The following SF3A1 variants were observed in gnomAD, a reference collection of about 807,000 sequenced individuals.
The protein encoded by SF3A1 is SAP 114.
Under a neutral mutation model 89.9 loss-of-function variants are expected in SF3A1, and 13 were observed. The ratio of observed to expected loss-of-function variants is 0.14; its 90% CI spans 0.09 to 0.23. The LOEUF is 0.23. SF3A1 is among the 10% of genes least tolerant of loss of function. SF3A1 has a pLI of 1.00. For synonymous variants in SF3A1, 405 were observed against 374.4 expected, an observed-to-expected ratio of 1.08 and a Z score of -0.94; for missense variants, 604 against 1,022.1, an observed-to-expected ratio of 0.59 and a Z score of 5.58.
Position 30,338,873 on chromosome 22 carries a change from G to C in SF3A1, c.1659C>G (p.Ile553Met). Residue 553 changes from isoleucine (I) to methionine (M), a missense_variant, in exon 11 of 16, where the codon ATC becomes ATG. Transcript: ENST00000215793. ...AAGATGGTGGCGGTGGCTGTTGAGGGATTTCATTGGGCTTGCTGGGGCCAA... is the reference window on the plus strand; with the variant it reads ...AAGATGGTGGCGGTGGCTGTTGAGGCATTTCATTGGGCTTGCTGGGGCCAA... Reference protein sequence around the residue: ...EKIGPSKPNEIPQQPPPPSSA... With the variant: ...EKIGPSKPNEMPQQPPPPSSA... 6.2e-7 allele frequency: 1 copy of C among 1,614,216 alleles called. No individual in the cohort carries two copies. The highest frequency in any genetic ancestry group is 1.1e-5 in the South Asian group (1 of 91,090).
intron 12 of SF3A1, 108 bp from the exon 13 acceptor site, chr22:30,337,288 G>T: frequency 9.1e-7 from 1 of 1,102,062 alleles, no homozygotes; most frequent in Non-Finnish European, 1.3e-6. Context: ...CTAGTCAGAG[G>T]TGTCAAGTGC....
At chr22:30,350,957 A>G (rs575317993) in intron 2 of SF3A1, among the ~76,000 whole-genome samples, 1 of 152,386 alleles carries the variant, frequency 6.6e-6, no homozygotes, top group Non-Finnish European at 1.5e-5. Context: ...AAGGTAATCA[A>G]AGCCCTTGAA....
intron 9 of SF3A1, 57 bp downstream of exon 9, chr22:30,340,139 A>G: frequency 1.4e-6 from 2 of 1,380,346 alleles, no homozygotes; most frequent in Non-Finnish European, 9.5e-7. Context: ...GTTTGCTTAG[A>G]AGAAGATGGC....
At chr22:30,353,240 T>C (rs1011419816) in intron 1 of SF3A1, among the ~76,000 whole-genome samples, 168 bp from the exon 2 acceptor site, 1 of 152,224 alleles carries the variant, frequency 6.6e-6, no homozygotes, top group Non-Finnish European at 1.5e-5. Flanking sequence ...TCACTGCACC[T>C]GCAGGGGCTG....
At chr22:30,351,666 A>T (rs1396837125) in intron 2 of SF3A1, among the ~76,000 whole-genome samples, 1 of 152,048 alleles carries the variant, frequency 6.6e-6, no homozygotes, top group Non-Finnish European at 1.5e-5. Flanking sequence ...ACAGCCAGAT[A>T]ACTTTTTATT....
Position 30,334,691 on chromosome 22 carries a change from A to G in SF3A1, c.2285T>C (p.Ile762Thr). 1 of 1,598,572 alleles carries G rather than the reference A, an allele frequency of 6.3e-7. No individual in the cohort carries two copies. ...AGKQKLQYEG[I>T]FIKDSNSLAY... is the part of the protein sequence containing the mutation. ...CAGTGAGTTGGAATCTTTGATGAAG[A>G]TACCCTGGAAAACAGACAGCGTGCC... Residue 762 changes from isoleucine (I) to threonine (T), a missense_variant, in exon 16 of 16, where the codon ATC becomes ACC. Around this residue, in one of 9 missense-constraint regions of SF3A1, gnomAD observed 74 missense variants for 141.3 expected, o/e 0.52. Coordinates refer to ENST00000215793, the MANE Select transcript of SF3A1 (RefSeq NM_005877.6).
chr22:30,342,072 G>T, intron 6 of SF3A1, 128 bp downstream of exon 6: 3 of 1,247,926 alleles, frequency 2.4e-6, no homozygotes, highest in Non-Finnish European at 3.5e-6. Flanking sequence ...TCTTTTGGGA[G>T]CAGGGAGGAG....
intron 2 of SF3A1, among the ~76,000 whole-genome samples, chr22:30,347,885 A>G (rs1185978339): frequency 6.6e-6 from 1 of 152,270 alleles, no homozygotes; most frequent in African/African-American, 2.4e-5. Context: ...TCTGTCACCC[A>G]GGCTGGAGTG....
intron 5 of SF3A1, 128 bp from the exon 6 acceptor site, chr22:30,342,478 T>C: frequency 9.2e-7 from 1 of 1,088,916 alleles, no homozygotes; most frequent in Admixed American, 2.7e-5. Context: ...GGTTCCAAAC[T>C]ATGGCATTTG....
intron 2 of SF3A1, 105 bp from the exon 3 acceptor site, chr22:30,346,624 A>C: frequency 7.7e-7 from 1 of 1,297,826 alleles, no homozygotes; most frequent in South Asian, 1.3e-5. Flanking sequence ...CCACTGCTCA[A>C]ACCAGCCCAT....
intron 1 of SF3A1, among the ~76,000 whole-genome samples, chr22:30,354,138 T>A (rs1254794405): frequency 2.6e-5 from 4 of 152,186 alleles, no homozygotes; most frequent in Admixed American, 6.5e-5. Flanking sequence ...ACCAGCAGCT[T>A]CTTCCCCTTA....
chr22:30,351,740 T>A (rs1931601254), intron 2 of SF3A1, among the ~76,000 whole-genome samples: 1 of 152,196 alleles, frequency 6.6e-6, no homozygotes, highest in Non-Finnish European at 1.5e-5. Flanking sequence ...TCAAGTGATC[T>A]TCCCACCTTG....
intron 2 of SF3A1, among the ~76,000 whole-genome samples, chr22:30,352,139 G>C (rs749885794): frequency 6.8e-6 from 1 of 146,778 alleles, no homozygotes; most frequent in Non-Finnish European, 1.5e-5. Flanking sequence ...TGGAACTGTA[G>C]GAAGAGAGAG....
chr22:30,345,330 T>C, intron 3 of SF3A1, 140 bp from the exon 4 acceptor site: 1 of 747,448 alleles, frequency 1.3e-6, no homozygotes, highest in Non-Finnish European at 2.2e-6. Context: ...CACACACCAC[T>C]AGCACTTGGT....
At position 30,356,725 on chromosome 22, in the gene SF3A1, G is replaced by A. The variant is rs370765021; in HGVS notation, c.63+5C>T. Reference sequence around the variant, plus strand: ...GCTGCAGGCTGAGGGGCGGGGGAGAGGTACCTGTTTGGGCTCCGTGGGCAC... The same window carrying A: ...GCTGCAGGCTGAGGGGCGGGGGAGAAGTACCTGTTTGGGCTCCGTGGGCAC... On this transcript the variant is annotated splice_donor_5th_base_variant and intron_variant, in intron 1 of 15. Coordinates refer to ENST00000215793, the MANE Select transcript of SF3A1 (RefSeq NM_005877.6). 7 of 1,491,334 alleles carry A rather than the reference G, an allele frequency of 4.7e-6. No homozygotes were observed. The highest frequency in any genetic ancestry group is 2.6e-5 in the South Asian group (2 of 76,244). 92.4% of individuals were successfully genotyped at this position (1,491,334 alleles called of 1,614,324 possible).
chr22:30,335,910 C>A (rs1372739691), intron 13 of SF3A1, among the ~76,000 whole-genome samples, 157 bp from the exon 14 acceptor site: 2 of 152,188 alleles, frequency 1.3e-5, no homozygotes, highest in Non-Finnish European at 2.9e-5. Flanking sequence ...TGAGGTTGTA[C>A]AAGTCACCCC....
At position 30,348,694 on chromosome 22, in the gene SF3A1, C is replaced by T. The variant is rs1157686288; in HGVS notation, c.186-2175G>A. The stretch of plus-strand genomic sequence containing the variant: ...ATATTAGTCTAACTGGAACCTCATG[C>T]TTTGGAAAAAAAATTCTCCCTACTC... On this transcript the variant is annotated intron_variant, in intron 2 of 15. Coordinates refer to ENST00000215793, the MANE Select transcript of SF3A1 (RefSeq NM_005877.6). 5.3e-5 allele frequency among the ~76,000 whole-genome samples: 8 copies of T among 152,200 alleles called. No homozygotes were observed. The East Asian group carries it at 1.5e-3, about 29-fold the overall frequency.
At chr22:30,346,870 A>T (rs1185502398) in intron 2 of SF3A1, among the ~76,000 whole-genome samples, 5 of 151,794 alleles carry the variant, frequency 3.3e-5, no homozygotes, top group African/African-American at 4.8e-5. Flanking sequence ...TACTTCAAAT[A>T]AAAAAAAATC....
chr22:30,337,047 C>T lies in SF3A1; in HGVS notation c.2085G>A (p.Glu695=). Residue 695 remains glutamate, a synonymous_variant, in exon 13 of 16, where the codon GAG becomes GAA. Transcript: ENST00000215793. ...ATACCTTGTTTCTGCGCAGGAACTC[C>T]TCCTCTGGCATGAGGCTGTCCTCTG... The part of the protein sequence containing the change: ...LKTEDSLMPE[E]EFLRRNKGPV... 6.2e-7 allele frequency: 1 copy of T among 1,614,212 alleles called. No individual in the cohort carries two copies. Among genetic ancestry groups the T allele is most frequent in the Non-Finnish European group, 8.5e-7 (1 of 1,180,042 alleles).
Sources: allele counts gnomAD v4.1 joint callset (sites outside exome capture counted in the v4.1 genomes callset), GRCh38; gene constraint gnomAD v4.1.1; regional missense constraint gnomAD v4.1.1; transcripts MANE v1.5; gene names NCBI Gene and HGNC (gene_info 2026-07-23, HGNC 2026-07-21).